The following TBL1XR1 variants were observed in gnomAD, a reference collection of about 807,000 sequenced individuals.
TBL1XR1 encodes TBL1X/Y related 1.
A neutral mutation model predicts 66.9 loss-of-function variants in TBL1XR1; 5 were observed. The observed-to-expected ratio is 0.07, with a 90% CI of 0.04 to 0.16. The LOEUF is 0.16. TBL1XR1 is among the 10% of genes least tolerant of loss of function. The pLI is 1.00. For synonymous variants in TBL1XR1, 210 were observed against 206.0 expected, an observed-to-expected ratio of 1.02 and a Z score of -0.17; for missense variants, 238 against 623.2, an observed-to-expected ratio of 0.38 and a Z score of 6.58.
In TBL1XR1 at chr3:177,154,844, T is replaced by A. The variant is rs149172267; in HGVS notation, c.-122+42277A>T. ...TACAGAAAACATCCGATAAAAATAATACAAAATACTGAAGTGCAAATAAAA... is the reference window on the plus strand; with the variant it reads ...TACAGAAAACATCCGATAAAAATAAAACAAAATACTGAAGTGCAAATAAAA... On this transcript the variant is annotated intron_variant, in intron 1 of 15. Coordinates refer to ENST00000457928, the MANE Select transcript of TBL1XR1 (RefSeq NM_024665.7). Among the ~76,000 whole-genome samples, 1,168 of 152,008 alleles carry A rather than the reference T, an allele frequency of 7.7e-3. 14 individuals carry two copies. The highest frequency in any genetic ancestry group is 0.027 in the African/African-American group (1,101 of 41,470).
chr3:177,126,899 G>A (rs1479413718), intron 1 of TBL1XR1, among the ~76,000 whole-genome samples: 8 of 151,674 alleles, frequency 5.3e-5, no homozygotes, highest in Admixed American at 6.6e-5. Flanking sequence ...CATAATGTAC[G>A]GTTGTAATAT....
chr3:177,025,222 TTC>T lies in TBL1XR1; in HGVS notation c.*274_*275del. The T allele has an allele frequency of 2.5e-6, 1 of 396,926 alleles. No individual in the cohort carries two copies. The highest frequency in any genetic ancestry group is 4.5e-6 in the Non-Finnish European group (1 of 223,986). The allele number at this position is 396,926 out of a possible 1,614,324, so 24.6% of individuals were successfully genotyped here. On this transcript the variant is annotated 3_prime_UTR_variant, in exon 16 of 16. Transcript: ENST00000457928. ...CTTTTATAATGTATATTTTTCTCTC[TTC>T]TGTTTTTCATATCCAAAACTTCTAA...
chr3:177,050,586 A>G lies in TBL1XR1; in HGVS notation c.452T>C (p.Val151Ala). 1 of 1,613,826 alleles carries G rather than the reference A, an allele frequency of 6.2e-7. No homozygotes were observed. The highest frequency in any genetic ancestry group is 8.5e-7 in the Non-Finnish European group (1 of 1,179,792). ...IANNHTDMME[V>A]DGDVEIPPNK... ...AGGAGGGATTTCAACATCCCCATCC[A>G]CTTCCATCATATCAGTATGATTATC... The change falls in exon 6 of 16, where the codon GTG becomes GCG. Residue 151 changes from valine (V) to alanine (A), a missense_variant. By Grantham distance (64) the Val-to-Ala change is moderately conservative. Transcript: ENST00000457928.
At chr3:177,126,559 GA>G (rs1377831872) in intron 1 of TBL1XR1, among the ~76,000 whole-genome samples, 1 of 152,114 alleles carries the variant, frequency 6.6e-6, no homozygotes, top group African/African-American at 2.4e-5. Context: ...CCTCCAGCTA[GA>G]AATAACTGCT....
At chr3:177,135,898 T>C (rs565374544) in intron 1 of TBL1XR1, among the ~76,000 whole-genome samples, 4 of 151,862 alleles carry the variant, frequency 2.6e-5, no homozygotes, top group South Asian at 2.1e-4. Context: ...AGGGCTGGAA[T>C]TGGCCTTCTC....
chr3:177,066,680 A>T (rs1363465169), intron 2 of TBL1XR1, among the ~76,000 whole-genome samples: 5 of 152,204 alleles, frequency 3.3e-5, no homozygotes, highest in Non-Finnish European at 7.3e-5. Context: ...TCAGGAGAAG[A>T]CTAAATCCTG....
intron 1 of TBL1XR1, among the ~76,000 whole-genome samples, chr3:177,130,355 G>A (rs894332657): frequency 1.1e-4 from 17 of 151,932 alleles, no homozygotes; most frequent in Admixed American, 2.6e-4. Flanking sequence ...TTATAATAAA[G>A]TATTATTCAG....
chr3:177,122,588 T>C (rs1727106401), intron 1 of TBL1XR1, among the ~76,000 whole-genome samples: 1 of 152,170 alleles, frequency 6.6e-6, no homozygotes, highest in African/African-American at 2.4e-5. Flanking sequence ...TGTTGGAAAT[T>C]CAGTTTTACT....
rs940925060 is a variant in TBL1XR1, at chr3:177,047,732, C to T, written c.703-183G>A. The T allele has an allele frequency of 1.8e-5, 11 of 608,188 alleles. No homozygotes were observed. The African/African-American group carries it at 1.9e-4, about 10-fold the overall frequency. The allele number at this position is 608,188 out of a possible 1,614,324, so 37.7% of individuals were successfully genotyped here. On this transcript the variant is annotated intron_variant, in intron 7 of 15. Transcript: ENST00000457928. ...CCTATGAAACCCTTCCACTGTGTGA[C>T]ACTAATGTTGTATGGGGGCCTTATA...
chr3:177,057,368 GACT>G (rs1482396544), intron 3 of TBL1XR1, among the ~76,000 whole-genome samples: 4 of 152,172 alleles, frequency 2.6e-5, no homozygotes, highest in African/African-American at 9.7e-5. Context: ...GCCTGTGTGT[GACT>G]ACTAGACTGG....
intron 14 of TBL1XR1, among the ~76,000 whole-genome samples, chr3:177,030,364 G>A (rs1054942196): frequency 6.6e-6 from 1 of 151,588 alleles, no homozygotes; most frequent in African/African-American, 2.4e-5. Context: ...CATTCTAGAG[G>A]TACAAGTATT....
intron 1 of TBL1XR1, among the ~76,000 whole-genome samples, chr3:177,134,039 G>C (rs1305866018): frequency 6.6e-6 from 1 of 151,944 alleles, no homozygotes; most frequent in Non-Finnish European, 1.5e-5. Flanking sequence ...CAAAGGACTG[G>C]AACATAACTC....
intron 3 of TBL1XR1, 121 bp from the exon 4 acceptor site, chr3:177,054,039 G>A: frequency 7.6e-6 from 8 of 1,049,798 alleles, no homozygotes; most frequent in East Asian, 7.6e-5. Context: ...AATCCCAGAC[G>A]AAGGTCGTGT....
chr3:177,030,012 C>T (rs1713714633), intron 14 of TBL1XR1, among the ~76,000 whole-genome samples: 1 of 151,894 alleles, frequency 6.6e-6, no homozygotes, highest in African/African-American at 2.4e-5. Context: ...TGGGTGTATG[C>T]ACGTTGAAGA....
chr3:177,169,868 C>T (rs924955671), intron 1 of TBL1XR1, among the ~76,000 whole-genome samples: 3 of 151,978 alleles, frequency 2.0e-5, no homozygotes, highest in Non-Finnish European at 4.4e-5. Flanking sequence ...TCCCTTTATC[C>T]CACCCAGTGG....
intron 2 of TBL1XR1, among the ~76,000 whole-genome samples, chr3:177,087,766 C>T (rs554984253): frequency 9.2e-5 from 14 of 151,546 alleles, no homozygotes; most frequent in Non-Finnish European, 1.9e-4. Context: ...GAATGGGGGG[C>T]GGGGAGTCTT....
chr3:177,178,393 G>A (rs528146000), intron 1 of TBL1XR1, among the ~76,000 whole-genome samples: 7 of 151,928 alleles, frequency 4.6e-5, no homozygotes, highest in South Asian at 2.1e-4. Context: ...AAGCATTCCC[G>A]GAAAACTTGA....
intron 1 of TBL1XR1, among the ~76,000 whole-genome samples, chr3:177,104,380 A>G (rs769768649): frequency 3.3e-5 from 5 of 152,242 alleles, no homozygotes; most frequent in Non-Finnish European, 7.3e-5. Context: ...GAATGTTAGT[A>G]TGTTATCTCC....
intron 1 of TBL1XR1, among the ~76,000 whole-genome samples, chr3:177,171,768 G>A (rs943723300): frequency 2.0e-5 from 3 of 149,260 alleles, no homozygotes; most frequent in Non-Finnish European, 4.4e-5. Context: ...GGGCTTTTTG[G>A]AGAAATGGCT....
Sources: allele counts gnomAD v4.1 joint callset (sites outside exome capture counted in the v4.1 genomes callset), GRCh38; gene constraint gnomAD v4.1.1; transcripts MANE v1.5; gene names NCBI Gene and HGNC (gene_info 2026-07-23, HGNC 2026-07-21).